The following LPAR1 variants were observed in gnomAD, a reference collection of about 807,000 sequenced individuals.
The protein encoded by LPAR1 is lysophosphatidic acid receptor 1.
LPAR1 carries 5 observed loss-of-function variants against 23.8 expected under a neutral mutation model. The ratio of observed to expected loss-of-function variants is 0.21; its 90% CI spans 0.11 to 0.44. LPAR1 has a LOEUF of 0.44. Among genes scored for constraint, LPAR1 ranks in the 20% least tolerant of loss-of-function variants. The pLI is 0.99. For missense variants in LPAR1, 311 were observed against 482.8 expected (o/e 0.64, Z 3.33); for synonymous variants, 160 against 164.7 (o/e 0.97, Z 0.22).
intron 5 of LPAR1, among the ~76,000 whole-genome samples, chr9:110,889,036 T>C (rs1041866147): frequency 6.6e-6 from 1 of 152,202 alleles, no homozygotes; most frequent in South Asian, 2.1e-4. Context: ...AAAGTGGCTA[T>C]GGGCATGAAT....
intron 3 of LPAR1, among the ~76,000 whole-genome samples, chr9:110,972,486 G>C (rs2096455417): frequency 6.6e-6 from 1 of 152,286 alleles, no homozygotes; most frequent in South Asian, 2.1e-4. Context: ...TCAAGTTGCA[G>C]AGCTGAGGAG....
At chr9:110,886,430 A>C (rs898062570) in intron 5 of LPAR1, among the ~76,000 whole-genome samples, 15 of 151,674 alleles carry the variant, frequency 9.9e-5, no homozygotes, top group East Asian at 3.9e-4. Flanking sequence ...GAAAAAAAAA[A>C]AAAAAACAAT....
chr9:110,984,454 C>T (rs763352878), intron 2 of LPAR1, among the ~76,000 whole-genome samples: 2 of 152,048 alleles, frequency 1.3e-5, no homozygotes, highest in Non-Finnish European at 2.9e-5. Flanking sequence ...ATAAGTACCA[C>T]ATTTTCTTTA....
At chr9:110,969,673 C>A (rs2096348468) in intron 4 of LPAR1, among the ~76,000 whole-genome samples, 1 of 151,184 alleles carries the variant, frequency 6.6e-6, no homozygotes, top group Admixed American at 6.6e-5. Flanking sequence ...GATCGTGCCA[C>A]TACACTCCAG....
intron 3 of LPAR1, among the ~76,000 whole-genome samples, 176 bp downstream of exon 3, chr9:110,973,305 T>C (rs914578088): frequency 6.6e-6 from 1 of 151,968 alleles, no homozygotes; most frequent in Non-Finnish European, 1.5e-5. Context: ...GAAGAAAAAA[T>C]TGAGGCTTAG....
chr9:110,971,139 A>C (rs2096407462), intron 4 of LPAR1, among the ~76,000 whole-genome samples: 3 of 152,180 alleles, frequency 2.0e-5, no homozygotes, highest in Admixed American at 2.0e-4. Flanking sequence ...TCTCTCAAAA[A>C]AATAAATAAA....
At chr9:110,930,166 C>T (rs1337924909) in intron 5 of LPAR1, among the ~76,000 whole-genome samples, 1 of 152,188 alleles carries the variant, frequency 6.6e-6, no homozygotes, top group Non-Finnish European at 1.5e-5. Context: ...GAAACACATA[C>T]ACGTCACTGT....
At chr9:110,995,062 A>C (rs372208041) in intron 2 of LPAR1, among the ~76,000 whole-genome samples, 7 of 152,290 alleles carry the variant, frequency 4.6e-5, no homozygotes, top group African/African-American at 1.2e-4. Flanking sequence ...TGCTCCAGCA[A>C]TGTGGCCCTA....
At chr9:110,925,843 G>A (rs192621376) in intron 5 of LPAR1, among the ~76,000 whole-genome samples, 2 of 152,320 alleles carry the variant, frequency 1.3e-5, no homozygotes, top group African/African-American at 2.4e-5. Context: ...CCCAGTTATA[G>A]ATGGGAATAG....
Position 110,891,276 on chromosome 9 carries a change from T to C in LPAR1, c.794-15554A>G, listed in dbSNP as rs182092558. Among the ~76,000 whole-genome samples, 129 of 152,340 alleles carry C rather than the reference T, an allele frequency of 8.5e-4. 1 individual carries two copies. In the Middle Eastern group the frequency reaches 0.014, roughly 16 times the overall value. ...AAATATTTGCAAGATAATCATCATC[T>C]AGCAAAAGTATGTTATTCTTCAATA... On this transcript the variant is annotated intron_variant, in intron 5 of 5. Coordinates refer to ENST00000683809, the MANE Select transcript of LPAR1 (RefSeq NM_001351411.2).
chr9:110,977,579 T>A (rs1000515242), intron 2 of LPAR1, among the ~76,000 whole-genome samples: 2 of 152,222 alleles, frequency 1.3e-5, no homozygotes, highest in Non-Finnish European at 1.5e-5. Flanking sequence ...AAATGTAACC[T>A]TTTTCCTTTG....
chr9:110,923,373 T>C (rs2093774727), intron 5 of LPAR1, among the ~76,000 whole-genome samples: 1 of 152,192 alleles, frequency 6.6e-6, no homozygotes. Flanking sequence ...CCTTAGAAAC[T>C]GTACTTTGGG....
intron 2 of LPAR1, among the ~76,000 whole-genome samples, chr9:111,008,151 G>A (rs2097257786): frequency 6.6e-6 from 1 of 150,702 alleles, no homozygotes; most frequent in Admixed American, 6.6e-5. Context: ...TCCAACCTGG[G>A]CAATAGAACA....
intron 5 of LPAR1, among the ~76,000 whole-genome samples, chr9:110,937,576 T>G (rs1225474276): frequency 6.6e-6 from 1 of 152,216 alleles, no homozygotes; most frequent in African/African-American, 2.4e-5. Flanking sequence ...TACTAATTTC[T>G]AAGGTAGCAC....
rs1305905135 is a variant in LPAR1, at chr9:110,941,707, C to T, written c.507G>A (p.Val169=). 6.2e-7 allele frequency: 1 copy of T among 1,614,040 alleles called. No homozygotes were observed. Among genetic ancestry groups the T allele is most frequent in the Non-Finnish European group, 8.5e-7 (1 of 1,180,024 alleles). ...MSNRRVVVVI[V]VIWTMAIVMG... Reference sequence around the variant, plus strand: ...TAACGATGGCCATAGTCCAGATGACCACAATGACCACCACTACCCGCCGGT... The same window carrying T: ...TAACGATGGCCATAGTCCAGATGACTACAATGACCACCACTACCCGCCGGT... The change falls in exon 5 of 6, where the codon GTG becomes GTA. Residue 169 remains valine, a synonymous_variant. Transcript: ENST00000683809. This position sits in a 1 kb window ranked among gnomAD's most constrained non-coding sequence, Gnocchi z 6.1.
intron 4 of LPAR1, among the ~76,000 whole-genome samples, chr9:110,960,214 C>T (rs13440041): frequency 0.37 from 55,826 of 151,872 alleles, 11,194 homozygotes; most frequent in Non-Finnish European, 0.45. Flanking sequence ...CAACATATCT[C>T]AACAGAAATA....
At chr9:111,032,014 AG>A in intron 2 of LPAR1, among the ~76,000 whole-genome samples, 1 of 152,316 alleles carries the variant, frequency 6.6e-6, no homozygotes, top group Non-Finnish European at 1.5e-5. Context: ...CCATGAGAGA[AG>A]GGGTCTGTCC....
At chr9:111,030,547 C>T (rs1412367030) in intron 2 of LPAR1, among the ~76,000 whole-genome samples, 1 of 152,166 alleles carries the variant, frequency 6.6e-6, no homozygotes, top group Non-Finnish European at 1.5e-5. Context: ...GCCTTTCATT[C>T]AGGCCTTGTT....
intron 4 of LPAR1, among the ~76,000 whole-genome samples, chr9:110,951,270 T>C (rs1251309459): frequency 6.6e-6 from 1 of 152,084 alleles, no homozygotes; most frequent in Non-Finnish European, 1.5e-5. Flanking sequence ...GGAATATTTC[T>C]AAATATGACC....
Sources: gnomAD v4.1 joint callset for allele counts (sites outside exome capture counted in the v4.1 genomes callset) on GRCh38, gnomAD v4.1.1 for gene constraint, Gnocchi (gnomAD v3.1) non-coding constraint, MANE v1.5 for transcripts, NCBI Gene and HGNC (gene_info 2026-07-23, HGNC 2026-07-21) for gene names.